PCDHA6: variants seen among roughly 807,000 people sequenced by gnomAD.
The protein encoded by PCDHA6 is protocadherin alpha-6.
Under a neutral mutation model 60.3 loss-of-function variants are expected in PCDHA6, and 55 were observed. That is an observed-to-expected ratio of 0.91 (90% CI 0.73 to 1.14). The LOEUF is 1.14. PCDHA6 is among the 50% of genes most tolerant of loss of function. The probability of loss-of-function intolerance (pLI) is 0.00; values close to 1 mark genes in which losing one functional copy is unlikely to be tolerated. For synonymous variants in PCDHA6, 652 were observed against 557.9 expected (o/e 1.17, Z -2.38); for missense variants, 1,327 against 1,256.5 (o/e 1.06, Z -0.85).
At chr5:140,889,169 G>A (rs2062128594) in intron 1 of PCDHA6, among the ~76,000 whole-genome samples, 1 of 151,182 alleles carries the variant, frequency 6.6e-6, no homozygotes, top group African/African-American at 2.4e-5. Flanking sequence ...AAGTATTCAA[G>A]TTATAAATAA....
chr5:140,933,050 C>T (rs2088825990), intron 1 of PCDHA6, among the ~76,000 whole-genome samples: 1 of 152,018 alleles, frequency 6.6e-6, no homozygotes, highest in Admixed American at 6.5e-5. Context: ...GGATTACAGT[C>T]CAGGATCCTG....
Position 140,974,282 on chromosome 5 carries a change from T to C in PCDHA6, c.2395-4667T>C, listed in dbSNP as rs115449410. Among the ~76,000 whole-genome samples, 1,252 of 152,332 alleles carry C rather than the reference T, an allele frequency of 8.2e-3. 23 individuals carry two copies. The highest frequency in any genetic ancestry group is 0.028 in the African/African-American group (1,180 of 41,572). ...TTCTGGCCTTCCAGGGTCAGAACTC[T>C]GGGCTCCAAGGAGGTACAACTGTGA... On this transcript the variant is annotated intron_variant, in intron 1 of 3. Coordinates refer to ENST00000529310, the MANE Select transcript of PCDHA6 (RefSeq NM_018909.4).
chr5:140,836,190 T>G, intron 1 of PCDHA6: 1 of 1,613,826 alleles, frequency 6.2e-7, no homozygotes, highest in East Asian at 2.2e-5. Flanking sequence ...TGACTCAGGC[T>G]ACAACGCGTG....
intron 1 of PCDHA6, among the ~76,000 whole-genome samples, chr5:140,941,941 T>G (rs1461291615): frequency 1.3e-5 from 2 of 152,246 alleles, no homozygotes; most frequent in Admixed American, 1.3e-4. Context: ...TGAATTACTT[T>G]TGTTTTGAAA....
intron 1 of PCDHA6, chr5:140,847,368 A>G (rs1038901012): frequency 6.7e-6 from 1 of 149,822 alleles, no homozygotes; most frequent in African/African-American, 2.4e-5. Flanking sequence ...AATACGAAAT[A>G]AAAGATAAAT....
intron 1 of PCDHA6, among the ~76,000 whole-genome samples, chr5:140,886,184 G>T (rs894479887): frequency 6.6e-6 from 1 of 151,966 alleles, no homozygotes; most frequent in Admixed American, 6.6e-5. Flanking sequence ...GCCTAATGCT[G>T]GCAAGCAGTA....
At chr5:140,999,605 G>T (rs1587843541) in intron 3 of PCDHA6, among the ~76,000 whole-genome samples, 2 of 152,132 alleles carry the variant, frequency 1.3e-5, no homozygotes, top group Admixed American at 1.3e-4. Context: ...CATCCTGGGG[G>T]ACCTTATCAA....
At chr5:140,889,144 A>G (rs2062119546) in intron 1 of PCDHA6, among the ~76,000 whole-genome samples, 1 of 151,794 alleles carries the variant, frequency 6.6e-6, no homozygotes, top group African/African-American at 2.4e-5. Flanking sequence ...TTTTCTTCCT[A>G]ATTTCTTCTT....
At position 140,843,574 on chromosome 5, in the gene PCDHA6, G is replaced by A. The variant is rs2150362915; in HGVS notation, c.2394+13089G>A. 1.8e-5 allele frequency: 28 copies of A among 1,595,908 alleles called. 3 individuals are homozygous for A. The highest frequency in any genetic ancestry group is 1.7e-4 in the Middle Eastern group (1 of 5,996). On this transcript the variant is annotated intron_variant, in intron 1 of 3. Coordinates refer to ENST00000529310, the MANE Select transcript of PCDHA6 (RefSeq NM_018909.4). ...GTGCGGTGGGGAGCTGGTCATACTCGCAACAACAGCCGCAGAGGGTGTGCT... is the reference window on the plus strand; with the variant it reads ...GTGCGGTGGGGAGCTGGTCATACTCACAACAACAGCCGCAGAGGGTGTGCT...
intron 1 of PCDHA6, among the ~76,000 whole-genome samples, chr5:140,894,352 G>A (rs2064438357): frequency 6.6e-6 from 1 of 151,796 alleles, no homozygotes; most frequent in Admixed American, 6.6e-5. Context: ...TATTACTTCA[G>A]ATTTCTTCTT....
chr5:140,967,088 GAGGCGCTGTGTGAGC>G, intron 1 of PCDHA6: 1 of 1,613,226 alleles, frequency 6.2e-7, no homozygotes, highest in Non-Finnish European at 8.5e-7. Context: ...CATTGATCGG[GAGGCGCTGTGTGAGC>G]AGCGGCCTCG....
intron 1 of PCDHA6, chr5:140,856,405 C>T: frequency 6.3e-7 from 1 of 1,598,432 alleles, no homozygotes; most frequent in Non-Finnish European, 8.6e-7. Flanking sequence ...TCCATGTGGA[C>T]GTGGAAGTGA....
intron 1 of PCDHA6, among the ~76,000 whole-genome samples, chr5:140,956,942 A>G (rs2153711637): frequency 6.7e-6 from 1 of 148,840 alleles, no homozygotes; most frequent in Admixed American, 6.8e-5. Flanking sequence ...GATAAAATTT[A>G]CATTAAAACA....
chr5:140,840,665 C>T (rs1298180893), intron 1 of PCDHA6, among the ~76,000 whole-genome samples: 2 of 151,998 alleles, frequency 1.3e-5, no homozygotes, highest in Non-Finnish European at 2.9e-5. Context: ...TATGCACATA[C>T]ATTTTTATTA....
At chr5:140,980,713 C>T (rs1034858406) in intron 2 of PCDHA6, among the ~76,000 whole-genome samples, 2 of 151,366 alleles carry the variant, frequency 1.3e-5, no homozygotes, top group Non-Finnish European at 2.9e-5. Flanking sequence ...TGCTCCTATT[C>T]GGGTTTCAAT....
At chr5:140,865,422 A>G (rs1381017187) in intron 1 of PCDHA6, 2 of 152,214 alleles carry the variant, frequency 1.3e-5, no homozygotes, top group African/African-American at 4.8e-5. Context: ...AGTAGTGTCT[A>G]CCTAGAAAAA....
At chr5:140,875,644 G>A in intron 1 of PCDHA6, 1 of 1,613,736 alleles carries the variant, frequency 6.2e-7, no homozygotes, top group Non-Finnish European at 8.5e-7. Flanking sequence ...GGAGCTGGCG[G>A]AGCTGGTGCC....
In PCDHA6 at chr5:140,884,016, G is replaced by A. The variant is rs143828814; in HGVS notation, c.2394+53531G>A. 13 of 1,613,090 alleles carry A rather than the reference G, an allele frequency of 8.1e-6. No individual in the cohort carries two copies. In the Admixed American group the frequency reaches 1.2e-4, roughly 14 times the overall value. On this transcript the variant is annotated intron_variant, in intron 1 of 3. Coordinates refer to ENST00000529310, the MANE Select transcript of PCDHA6 (RefSeq NM_018909.4). ...GGCACAGTGAGCGAGCTGATGCCGC[G>A]GTCGGTGGGTGCAGGCCACGTGGTG...
intron 1 of PCDHA6, among the ~76,000 whole-genome samples, chr5:140,925,358 C>A (rs1554202714): frequency 8.5e-5 from 13 of 152,094 alleles, no homozygotes; most frequent in Non-Finnish European, 1.9e-4. Flanking sequence ...GAATTTAGTG[C>A]TTCATAGTCA....
Sources: gnomAD v4.1 joint callset for allele counts (sites outside exome capture counted in the v4.1 genomes callset) on GRCh38, gnomAD v4.1.1 for gene constraint, MANE v1.5 for transcripts, NCBI Gene and HGNC (gene_info 2026-07-23, HGNC 2026-07-21) for gene names.